Variants in ABCA2 observed in about 807,000 individuals in gnomAD.
The protein encoded by ABCA2 is ATP-binding cassette sub-family A member 2.
A neutral mutation model predicts 262.8 loss-of-function variants in ABCA2; 84 were observed. The observed-to-expected ratio is 0.32, with a 90% confidence interval of 0.27 to 0.38. The LOEUF is 0.38. ABCA2 is among the 10% of genes least tolerant of loss of function. The pLI is 1.00. For missense variants in ABCA2, 2,662 were observed against 3,405.9 expected, an observed-to-expected ratio of 0.78 and a Z score of 5.44; for synonymous variants, 1,696 against 1,502.9, an observed-to-expected ratio of 1.13 and a Z score of -2.97.
chr9:137,028,044 G>A lies in ABCA2; in HGVS notation c.66+31C>T, dbSNP rs1831717333. ...TCTGGCCGCGGTGCGCGCGGCCTCGGGCTGAGGGCGGGCGCGTGGGGTGGG... is the reference window on the plus strand; with the variant it reads ...TCTGGCCGCGGTGCGCGCGGCCTCGAGCTGAGGGCGGGCGCGTGGGGTGGG... On this transcript the variant is annotated intron_variant, in intron 1 of 48. Transcript: ENST00000341511. The surrounding 1 kb of genome is among the most constrained non-coding windows in gnomAD (Gnocchi z 6.9). 1 of 977,168 alleles carries A rather than the reference G, an allele frequency of 1.0e-6. No homozygotes were observed. Among genetic ancestry groups the A allele is most frequent in the African/African-American group, 1.8e-5 (1 of 56,534 alleles). The allele number at this position is 977,168 out of a possible 1,614,324, so 60.5% of individuals were successfully genotyped here.
chr9:137,012,024 G>T lies in ABCA2; in HGVS notation c.5361-6C>A. ...CGACATCCGTGCCCTGCAGCCTGGGGCAAGGAAGCCCTCAGTCCTCACGGC... is the reference window on the plus strand; with the variant it reads ...CGACATCCGTGCCCTGCAGCCTGGGTCAAGGAAGCCCTCAGTCCTCACGGC... On this transcript the variant is annotated splice_region_variant and splice_polypyrimidine_tract_variant and intron_variant, in intron 34 of 48. Transcript: ENST00000341511. The T allele has an allele frequency of 6.2e-7, 1 of 1,612,150 alleles. No individual in the cohort carries two copies.
rs763365783 is a variant in ABCA2 at position 137,011,649 on chromosome 9, A to G, written c.5636T>C (p.Leu1879Pro). 6.4e-7 allele frequency: 1 copy of G among 1,553,736 alleles called. No individual in the cohort carries two copies. Among genetic ancestry groups the G allele is most frequent in the Admixed American group, 1.9e-5 (1 of 51,296 alleles). Residue 1879 changes from leucine to proline, a missense_variant, in exon 36 of 49, where the codon CTC (leucine) becomes CCC (proline). Leu to Pro is a moderately conservative substitution (Grantham distance 98). Around this residue, in one of 12 missense-constraint regions of ABCA2, gnomAD observed 602 missense variants for 897.4 expected, o/e 0.67. Coordinates refer to ENST00000341511, the MANE Select transcript of ABCA2 (RefSeq NM_001606.5). The surrounding 1 kb of genome is among the most constrained non-coding windows in gnomAD (Gnocchi z 8.8). ...TTCCGCTTACCCATAGAGCAGGAAG[A>G]GGGAGAGGACGGCAGGGAAGTTGGT... ...SPTNFPAVLS[L>P]FLLYGWSITP...
rs759687673 is a variant in ABCA2, at chr9:137,015,436, G to A, written c.3675C>T (p.Pro1225=). ...DGYRLTLVKR[P]AEPGGPQEPG... The stretch of plus-strand genomic sequence containing the variant: ...GACCTTGGGGGCCCCCCGGCTCGGC[G>A]GGCCGCTTGACCAGCGTGAGGCGGT... Residue 1225 remains proline, a synonymous_variant, in exon 24 of 49, where the codon CCC becomes CCT. Transcript: ENST00000341511. 5.0e-5 allele frequency: 79 copies of A among 1,568,674 alleles called. No homozygotes were observed. The highest frequency in any genetic ancestry group is 6.8e-5 in the African/African-American group (5 of 73,680).
At position 137,018,267 on chromosome 9, in the gene ABCA2, T is replaced by G; in HGVS notation, c.1904A>C (p.Lys635Thr). 1 of 1,610,294 alleles carries G rather than the reference T, an allele frequency of 6.2e-7. No individual in the cohort carries two copies. Among genetic ancestry groups the G allele is most frequent in the Non-Finnish European group, 8.5e-7 (1 of 1,179,432 alleles). ...GTAGGCGCGGCGGATCTCGTTGGTT[T>G]TCTCGGTGAAGCTGGAGTTCTGGCG... ...KIRQNSSFTEKTNEIRRAYWR... is the reference protein window; with the variant it reads ...KIRQNSSFTETTNEIRRAYWR... The change falls in exon 14 of 49, where the codon AAA becomes ACA. Residue 635 changes from lysine to threonine, a missense_variant. Lys to Thr is a moderately conservative substitution (Grantham distance 78). Coordinates refer to ENST00000341511, the MANE Select transcript of ABCA2 (RefSeq NM_001606.5).
Position 137,011,386 on chromosome 9 carries a change from A to C in ABCA2, c.5799+21T>G. 6.2e-7 allele frequency: 1 copy of C among 1,608,702 alleles called. No individual in the cohort carries two copies. Among genetic ancestry groups the C allele is most frequent in the South Asian group, 1.1e-5 (1 of 90,574 alleles). On this transcript the variant is annotated intron_variant, in intron 37 of 48. Transcript: ENST00000341511. The surrounding 1 kb of genome is among the most constrained non-coding windows in gnomAD (Gnocchi z 8.8). ...AGCCTCCGCAGGGTCCGCCACCCCCACCATGTCGTCACCGCCCCACCTTGT... is the reference window on the plus strand; with the variant it reads ...AGCCTCCGCAGGGTCCGCCACCCCCCCCATGTCGTCACCGCCCCACCTTGT...
At chr9:137,013,675 C>T (rs1249822553) in intron 28 of ABCA2, 112 bp from the exon 29 acceptor site, 19 of 1,371,228 alleles carry the variant, frequency 1.4e-5, no homozygotes, top group East Asian at 9.9e-5. Flanking sequence ...GTCTGGGACC[C>T]GAGGAGACAG....
intron 1 of ABCA2, among the ~76,000 whole-genome samples, chr9:137,026,492 T>C (rs1043167011): frequency 1.3e-5 from 2 of 152,158 alleles, no homozygotes; most frequent in Non-Finnish European, 2.9e-5. Context: ...TCAGCCTCCC[T>C]GGGGGAAACA....
chr9:137,013,631 C>T, intron 28 of ABCA2, 68 bp from the exon 29 acceptor site: 1 of 1,487,918 alleles, frequency 6.7e-7, no homozygotes, highest in Non-Finnish European at 9.1e-7. Context: ...AGCCTCGGTC[C>T]CCTTCCCCCA....
At chr9:137,022,326 G>T in intron 6 of ABCA2, 25 bp downstream of exon 6, 7 of 1,578,128 alleles carry the variant, frequency 4.4e-6, no homozygotes, top group East Asian at 2.3e-5. Context: ...GGAGTGGCCA[G>T]GGCTGGGAGC....
chr9:137,008,907 C>CCCCCCCCT, intron 46 of ABCA2, 39 bp from the exon 47 acceptor site: 2 of 1,588,704 alleles, frequency 1.3e-6, no homozygotes, highest in Admixed American at 3.4e-5. Context: ...AGCGCCCCCC[C>CCCCCCCCT]ACCCCGTAGC....
At chr9:137,010,870 C>G in intron 39 of ABCA2, 103 bp downstream of exon 39, 1 of 1,152,560 alleles carries the variant, frequency 8.7e-7, no homozygotes, top group Admixed American at 2.1e-5. Context: ...TGCCTCACCC[C>G]CTCCTGCCCC....
At chr9:137,023,683 T>G in intron 3 of ABCA2, 155 bp downstream of exon 3, 1 of 688,318 alleles carries the variant, frequency 1.5e-6, no homozygotes, top group South Asian at 1.6e-5. Context: ...CTTCACTGCC[T>G]GCCACCCCCC....
In ABCA2 at chr9:137,019,142, A is replaced by AC; in HGVS notation, c.1554+35dup. 1 of 1,604,960 alleles carries AC rather than the reference A, an allele frequency of 6.2e-7. No homozygotes were observed. ...CGGGCAGAGAGGGGCTCCCCACACC[A>AC]CCCACAGCCGCCTCCCTCGCGGGCA... On this transcript the variant is annotated intron_variant, in intron 11 of 48. Coordinates refer to ENST00000341511, the MANE Select transcript of ABCA2 (RefSeq NM_001606.5). This position sits in a 1 kb window ranked among gnomAD's most constrained non-coding sequence, Gnocchi z 4.4.
chr9:137,018,950 C>A lies in ABCA2; in HGVS notation c.1675G>T (p.Asp559Tyr), dbSNP rs764369657. ...PSGMALLQQL[D>Y]TIDNAACGWI... Reference sequence around the variant, plus strand: ...CCGCAGGCCGCGTTGTCAATGGTATCCAGCTGCTGCAGGAGGGCCATGCCA... The same window carrying A: ...CCGCAGGCCGCGTTGTCAATGGTATACAGCTGCTGCAGGAGGGCCATGCCA... The change falls in exon 12 of 49, where the codon GAT becomes TAT. Residue 559 changes from aspartate (D) to tyrosine (Y), a missense_variant. Transcript: ENST00000341511. 6.2e-7 allele frequency: 1 copy of A among 1,612,968 alleles called. No individual in the cohort carries two copies. Among genetic ancestry groups the A allele is most frequent in the South Asian group, 1.1e-5 (1 of 91,092 alleles).
chr9:137,007,933 C>A lies in ABCA2; in HGVS notation c.7307G>T (p.Cys2436Phe). ...AQLSFNTDTLC is the reference protein window; with the variant it reads ...AQLSFNTDTLF ...CCCTGGCCCAGCTCTGGGTGGTCAGCAGAGCGTGTCCGTGTTGAAGGACAG... is the reference window on the plus strand; with the variant it reads ...CCCTGGCCCAGCTCTGGGTGGTCAGAAGAGCGTGTCCGTGTTGAAGGACAG... Residue 2436 changes from cysteine (C) to phenylalanine (F), a missense_variant, in exon 49 of 49, where the codon TGC becomes TTC. Cys to Phe is a radical substitution (Grantham distance 205). Around this residue, in one of 12 missense-constraint regions of ABCA2, gnomAD observed 212 missense variants for 214.4 expected, o/e 0.99. Transcript: ENST00000341511. The A allele has an allele frequency of 1.9e-6, 3 of 1,605,590 alleles. No homozygotes were observed. The highest frequency in any genetic ancestry group is 2.5e-6 in the Non-Finnish European group (3 of 1,179,850).
At chr9:137,023,343 C>A in intron 3 of ABCA2, 1 of 684,318 alleles carries the variant, frequency 1.5e-6, no homozygotes, top group East Asian at 2.8e-5. Flanking sequence ...GCCCACATGC[C>A]CTGGCACTCT....
chr9:137,028,439 A>G (rs1020817974), upstream of ABCA2, among the ~76,000 whole-genome samples: 2 of 149,336 alleles, frequency 1.3e-5, no homozygotes, highest in Non-Finnish European at 3.0e-5. The surrounding 1 kb of genome is among the most constrained non-coding windows in gnomAD (Gnocchi z 6.9). Context: ...CGCCGCCGGG[A>G]AGCCTCCGGG....
chr9:137,020,435 C>T lies in ABCA2; in HGVS notation c.1326G>A (p.Lys442=). Residue 442 remains lysine (K), a synonymous_variant, in exon 10 of 49, where the codon AAG becomes AAA. Coordinates refer to ENST00000341511, the MANE Select transcript of ABCA2 (RefSeq NM_001606.5). ...GNMSSLGFTS[K]EQRNLGLLVH... is the part of the protein sequence containing the mutation. ...CGAGGAGGCCCAGGTTCCGCTGCTC[C>T]TTGCTCGTGAAGCCCAGGGAGCTCA... is the stretch of plus-strand genomic sequence containing the variant. 1 of 1,612,218 alleles carries T rather than the reference C, an allele frequency of 6.2e-7. No individual in the cohort carries two copies. The highest frequency in any genetic ancestry group is 8.5e-7 in the Non-Finnish European group (1 of 1,179,694).
intron 19 of ABCA2, 87 bp from the exon 20 acceptor site, chr9:137,016,825 C>A: frequency 6.4e-7 from 1 of 1,556,372 alleles, no homozygotes; most frequent in Non-Finnish European, 8.7e-7. Context: ...CAGGGAGCCA[C>A]CCGTGCTGCA....
Sources: allele counts gnomAD v4.1 joint callset (sites outside exome capture counted in the v4.1 genomes callset), GRCh38; gene constraint gnomAD v4.1.1; regional missense constraint gnomAD v4.1.1; non-coding constraint Gnocchi (gnomAD v3.1); transcripts MANE v1.5; gene names NCBI Gene and HGNC (gene_info 2026-07-23, HGNC 2026-07-21).